Variants in ANO3 observed in about 807,000 individuals in gnomAD.
ANO3 encodes anoctamin 3.
In ANO3, 99 loss-of-function variants were observed where a neutral mutation model predicts 144.8. That is an observed-to-expected ratio of 0.68 (90% CI 0.58 to 0.81). The LOEUF is 0.81. Among genes scored for constraint, ANO3 ranks in the 30% least tolerant of loss-of-function variants. ANO3 has a pLI of 0.00. For synonymous variants in ANO3, 414 were observed against 392.6 expected (o/e 1.05, Z -0.64); for missense variants, 905 against 1,202.2 (o/e 0.75, Z 3.66).
At chr11:26,637,655 G>A (rs1016287122) in intron 20 of ANO3, among the ~76,000 whole-genome samples, 1 of 152,214 alleles carries the variant, frequency 6.6e-6, no homozygotes, top group Non-Finnish European at 1.5e-5. Context: ...AAAGAGGTTT[G>A]CTTGGATGCG....
At chr11:26,477,835 AT>A (rs1337746780) in intron 4 of ANO3, among the ~76,000 whole-genome samples, 1 of 152,122 alleles carries the variant, frequency 6.6e-6, no homozygotes, top group Non-Finnish European at 1.5e-5. Context: ...AATGGGCAAA[AT>A]TTTTTGAGTA....
At chr11:26,400,070 A>G (rs1214592215) in intron 1 of ANO3, among the ~76,000 whole-genome samples, 1 of 152,098 alleles carries the variant, frequency 6.6e-6, no homozygotes, top group Non-Finnish European at 1.5e-5. Flanking sequence ...AGGTCTAGGT[A>G]CCCAAGTGTA....
chr11:26,457,161 C>A (rs1859196169), intron 3 of ANO3, among the ~76,000 whole-genome samples: 1 of 150,424 alleles, frequency 6.6e-6, no homozygotes, highest in South Asian at 2.1e-4. Flanking sequence ...ACCAGCATGG[C>A]ACAGGTATAC....
intron 3 of ANO3, among the ~76,000 whole-genome samples, chr11:26,462,426 T>A (rs563754713): frequency 9.0e-4 from 137 of 152,050 alleles, no homozygotes; most frequent in African/African-American, 3.2e-3. Context: ...TTCATGTACA[T>A]CCTTATGTGT....
At chr11:26,321,514 T>C (rs1206993388) in intron 1 of ANO3, among the ~76,000 whole-genome samples, 2 of 152,070 alleles carry the variant, frequency 1.3e-5, no homozygotes, top group Non-Finnish European at 2.9e-5. Flanking sequence ...TTCTGATTTG[T>C]TTTTTGACTA....
In ANO3 at chr11:26,635,022, C is replaced by T; in HGVS notation, c.1995C>T (p.Gly665=). The T allele has an allele frequency of 6.2e-7, 1 of 1,613,124 alleles. No individual in the cohort carries two copies. Among genetic ancestry groups the T allele is most frequent in the Non-Finnish European group, 8.5e-7 (1 of 1,179,274 alleles). Residue 665 remains glycine (G), a synonymous_variant, in exon 20 of 27, where the codon GGC becomes GGT. Transcript: ENST00000256737. ...YIAFFLGRFV[G]HPGKYNKLFD... ...AAATGTCTTCTTACAGATTCGTAGG[C>T]CACCCAGGAAAATACAATAAACTTT...
chr11:26,507,381 C>T (rs1049149035), intron 4 of ANO3, among the ~76,000 whole-genome samples: 1 of 152,136 alleles, frequency 6.6e-6, no homozygotes, highest in Non-Finnish European at 1.5e-5. Context: ...TTAAAAATAG[C>T]TTAGGTTGGT....
intron 1 of ANO3, among the ~76,000 whole-genome samples, chr11:26,310,274 T>C (rs1217418231): frequency 2.6e-5 from 4 of 152,106 alleles, no homozygotes; most frequent in African/African-American, 9.7e-5. Flanking sequence ...GTCAACTTCT[T>C]TTTGAGGCCC....
At chr11:26,621,422 G>C (rs1290463493) in intron 17 of ANO3, among the ~76,000 whole-genome samples, 2 of 152,116 alleles carry the variant, frequency 1.3e-5, no homozygotes, top group Non-Finnish European at 2.9e-5. Flanking sequence ...TCCCATTTCT[G>C]TGTCTTAAAG....
intron 1 of ANO3, among the ~76,000 whole-genome samples, chr11:26,420,914 C>T (rs1278177198): frequency 6.6e-6 from 1 of 151,850 alleles, no homozygotes; most frequent in African/African-American, 2.4e-5. Flanking sequence ...AAGTGAAAAA[C>T]AAAGTATTAC....
chr11:26,286,470 A>G (rs1490367279), intron 1 of ANO3, among the ~76,000 whole-genome samples: 2 of 152,188 alleles, frequency 1.3e-5, no homozygotes, highest in African/African-American at 4.8e-5. Flanking sequence ...ATCATTTTTT[A>G]AGTTTCCCCC....
intron 1 of ANO3, among the ~76,000 whole-genome samples, chr11:26,384,801 A>G (rs1366936276): frequency 1.3e-5 from 2 of 152,182 alleles, no homozygotes; most frequent in Non-Finnish European, 2.9e-5. Context: ...AGTAGCATTT[A>G]CTGTTCCTTT....
chr11:26,498,811 G>A (rs1410242306), intron 4 of ANO3, among the ~76,000 whole-genome samples: 1 of 151,580 alleles, frequency 6.6e-6, no homozygotes, highest in Non-Finnish European at 1.5e-5. Flanking sequence ...AACTTTTACT[G>A]TATAAGTTAT....
At chr11:26,208,541 G>A (rs1447001169) in intron 1 of ANO3, among the ~76,000 whole-genome samples, 1 of 149,772 alleles carries the variant, frequency 6.7e-6, no homozygotes, top group Admixed American at 6.6e-5. Flanking sequence ...ATTGCAGGTG[G>A]ACACAAACAT....
intron 14 of ANO3, chr11:26,565,073 T>C (rs1326480485): frequency 1.3e-5 from 16 of 1,273,114 alleles, no homozygotes; most frequent in Admixed American, 1.1e-4. Context: ...TCTTCTGTTT[T>C]TCCAGCATGG....
intron 20 of ANO3, among the ~76,000 whole-genome samples, chr11:26,635,820 C>G (rs1852939755): frequency 1.3e-5 from 2 of 152,134 alleles, no homozygotes; most frequent in African/African-American, 4.8e-5. Context: ...TGGAGACTGG[C>G]AGTCTATATT....
chr11:26,240,774 C>A (rs1341659675), intron 1 of ANO3, among the ~76,000 whole-genome samples: 3 of 152,192 alleles, frequency 2.0e-5, no homozygotes, highest in South Asian at 2.1e-4. Context: ...CCCACACTTA[C>A]AACTACTGCC....
intron 3 of ANO3, among the ~76,000 whole-genome samples, chr11:26,444,788 T>C (rs929614349): frequency 1.3e-5 from 2 of 152,228 alleles, no homozygotes; most frequent in Non-Finnish European, 2.9e-5. Context: ...GTATTTATAA[T>C]AGCATTCTGA....
Position 26,447,052 on chromosome 11 carries a change from G to A in ANO3, c.313+3216G>A, listed in dbSNP as rs1448042762. ...TGGTGAGACCCTGTTTCTACAAAAA[G>A]AAAATAATTAGTCAAGCACGGTGGC... is the stretch of plus-strand genomic sequence containing the variant. On this transcript the variant is annotated intron_variant, in intron 3 of 26. Transcript: ENST00000256737. Among the ~76,000 whole-genome samples the A allele has an allele frequency of 2.6e-5, 4 of 151,934 alleles. No homozygotes were observed. In the East Asian group the frequency reaches 7.8e-4, roughly 30 times the overall value.
Sources: allele counts gnomAD v4.1 joint callset (sites outside exome capture counted in the v4.1 genomes callset), GRCh38; gene constraint gnomAD v4.1.1; transcripts MANE v1.5; gene names NCBI Gene and HGNC (gene_info 2026-07-23, HGNC 2026-07-21).